SNX20: variants seen among roughly 807,000 people sequenced by gnomAD.
SNX20 encodes the protein sorting nexin 20, also known as sorting nexin-20.
In SNX20, 21 loss-of-function variants were observed where a neutral mutation model predicts 24.5. The ratio of observed to expected loss-of-function variants is 0.86; its 90% confidence interval spans 0.61 to 1.23. The LOEUF is 1.23. Ranked by LOEUF, SNX20 falls within the 50% of genes most tolerant of loss-of-function variation. The pLI, the probability that SNX20 is intolerant of heterozygous loss-of-function variation, is 0.00. For synonymous variants in SNX20, 206 were observed against 192.8 expected (o/e 1.07, Z -0.57); for missense variants, 433 against 430.8 (o/e 1.00, Z -0.04).
chr16:50,676,929 C>T (rs1224814330), intron 2 of SNX20, among the ~76,000 whole-genome samples: 1 of 152,210 alleles, frequency 6.6e-6, no homozygotes, highest in Non-Finnish European at 1.5e-5. Flanking sequence ...TGGACCGTGC[C>T]CTCTTGGCAC....
At chr16:50,679,087 T>C (rs1192735642) in intron 1 of SNX20, among the ~76,000 whole-genome samples, 1 of 151,984 alleles carries the variant, frequency 6.6e-6, no homozygotes, top group South Asian at 2.1e-4. Context: ...TGGTTAGGCA[T>C]GGAAATTCAA....
intron 1 of SNX20, among the ~76,000 whole-genome samples, chr16:50,678,272 CAAT>C (rs1348538540): frequency 2.0e-5 from 3 of 152,186 alleles, no homozygotes; most frequent in Non-Finnish European, 4.4e-5. Context: ...ATCAATCAAT[CAAT>C]AATCTATCTA....
chr16:50,679,659 C>T (rs1209459906), intron 1 of SNX20, among the ~76,000 whole-genome samples: 2 of 152,214 alleles, frequency 1.3e-5, no homozygotes, highest in African/African-American at 2.4e-5. Context: ...TAAGCAAGTG[C>T]TTTAATATCT....
In SNX20 at chr16:50,677,409, C is replaced by G. The variant is rs1297397634; in HGVS notation, c.118G>C (p.Asp40His). 6.3e-7 allele frequency: 1 copy of G among 1,595,894 alleles called. No homozygotes were observed. The highest frequency in any genetic ancestry group is 8.5e-7 in the Non-Finnish European group (1 of 1,170,568). Residue 40 changes from aspartate to histidine, a missense_variant, in exon 2 of 4, where the codon GAC (aspartate) becomes CAC (histidine). Transcript: ENST00000330943. ...GCCTCAAGCCCACCTAAGTGCCCGT[C>G]AGGTCCTGGGTGCGGGAGGTCGGGG... ...TGPDLPHPGPDGHLDTHSGLS... is the reference protein window; with the variant it reads ...TGPDLPHPGPHGHLDTHSGLS...
chr16:50,673,061 G>A lies in SNX20; in HGVS notation c.*345C>T, dbSNP rs1231355790. 1 of 179,874 alleles carries A rather than the reference G, an allele frequency of 5.6e-6. No homozygotes were observed. Among genetic ancestry groups the A allele is most frequent in the Non-Finnish European group, 1.1e-5 (1 of 87,090 alleles). The allele number at this position is 179,874 out of a possible 1,614,324, so 11.1% of individuals were successfully genotyped here. On this transcript the variant is annotated 3_prime_UTR_variant, in exon 4 of 4. Transcript: ENST00000330943. This position sits in a 1 kb window ranked among gnomAD's most constrained non-coding sequence, Gnocchi z 4.1. Reference sequence around the variant, plus strand: ...CTCACACTTGTAACCCCAGTGTTTTGGGAAGCTGAGGCAGGAAGATCATTT... The same window carrying A: ...CTCACACTTGTAACCCCAGTGTTTTAGGAAGCTGAGGCAGGAAGATCATTT...
chr16:50,668,155 C>A, downstream of SNX20: 1 of 1,543,068 alleles, frequency 6.5e-7, no homozygotes, highest in South Asian at 1.2e-5. Flanking sequence ...AACCAGGGAG[C>A]AAAGTCTCCA....
chr16:50,681,274 G>A lies in SNX20; in HGVS notation c.-94C>T, dbSNP rs2066848. The A allele has an allele frequency of 0.33, 51,011 of 152,370 alleles. 9,942 individuals are homozygous for A. Among genetic ancestry groups the A allele is most frequent in the Non-Finnish European group, 0.44 (29,637 of 68,070 alleles). The allele number at this position is 152,370 out of a possible 1,614,324, so 9.4% of individuals were successfully genotyped here. On this transcript the variant is annotated 5_prime_UTR_variant, in exon 1 of 4. Transcript: ENST00000330943. ...CGAGCTCTTGGTTCTCAGCTCCGGC[G>A]ACAAGCCGAGGGGCTGCCACTTTCT...
At chr16:50,679,101 A>T (rs1963243236) in intron 1 of SNX20, among the ~76,000 whole-genome samples, 1 of 152,216 alleles carries the variant, frequency 6.6e-6, no homozygotes, top group Admixed American at 6.5e-5. Context: ...AATTCAAGAC[A>T]AGGAAGGTGC....
At chr16:50,668,036 C>T (rs1040192148), downstream of SNX20, 60 of 1,551,718 alleles carry the variant, frequency 3.9e-5, no homozygotes, top group Middle Eastern at 1.7e-4. Flanking sequence ...CGTCAGGAGC[C>T]GGAGCCTACG....
chr16:50,675,214 CAG>C (rs1272881804), intron 3 of SNX20, among the ~76,000 whole-genome samples: 1 of 152,192 alleles, frequency 6.6e-6, no homozygotes, highest in Non-Finnish European at 1.5e-5. Context: ...TCCATTCTAA[CAG>C]GGAGAGGAGC....
intron 1 of SNX20, among the ~76,000 whole-genome samples, chr16:50,680,026 A>G (rs1963263485): frequency 6.6e-6 from 1 of 152,234 alleles, no homozygotes; most frequent in Non-Finnish European, 1.5e-5. Context: ...AAGACTGAGA[A>G]AGCTGATTAT....
At chr16:50,677,051 G>A (rs1474281639) in intron 2 of SNX20, among the ~76,000 whole-genome samples, 5 of 152,140 alleles carry the variant, frequency 3.3e-5, no homozygotes, top group Non-Finnish European at 5.9e-5. Context: ...ATAACAGCCC[G>A]GCTTCCTCAC....
chr16:50,669,150 T>C (rs1962982580), downstream of SNX20: 1 of 1,237,242 alleles, frequency 8.1e-7, no homozygotes, highest in Non-Finnish European at 1.2e-6. Flanking sequence ...TTTCCCCATC[T>C]GTAAACAGAG....
chr16:50,677,637 G>C, intron 1 of SNX20, 102 bp from the exon 2 acceptor site: 1 of 1,265,700 alleles, frequency 7.9e-7, no homozygotes, highest in Non-Finnish European at 1.0e-6. Flanking sequence ...CTGGCAGGCA[G>C]AGGGAATGAC....
In SNX20 at chr16:50,672,496, CGTGTGTGTGTGTGTGTGT is replaced by C. The variant is rs72303410; in HGVS notation, c.*892_*909del. 3.9e-3 allele frequency: 543 copies of C among 138,080 alleles called. No homozygotes were observed. The highest frequency in any genetic ancestry group is 0.014 in the African/African-American group (505 of 36,050). The allele number at this position is 138,080 out of a possible 1,614,324, so 8.6% of individuals were successfully genotyped here. A position where few individuals can be genotyped will look rare whatever the true frequency, so the allele number is the denominator to read the frequency against. On this transcript the variant is annotated 3_prime_UTR_variant, in exon 4 of 4. Coordinates refer to ENST00000330943, the MANE Select transcript of SNX20 (RefSeq NM_182854.4). ...CAAAAGGATGGCATACAACTCCCAC[CGTGTGTGTGTGTGTGTGT>C]GTGTGTGTGTGTGTGTGTGTGTGTG... is the stretch of plus-strand genomic sequence containing the variant.
chr16:50,671,133 T>A (rs945252140), downstream of SNX20: 1 of 150,442 alleles, frequency 6.6e-6, no homozygotes, highest in Non-Finnish European at 1.5e-5. Flanking sequence ...ATGACTTTTT[T>A]TTTTCACATT....
In SNX20 at chr16:50,672,744, C is replaced by T. The variant is rs1483656252; in HGVS notation, c.*662G>A. The T allele has an allele frequency of 1.3e-5, 2 of 152,184 alleles. No homozygotes were observed. Among genetic ancestry groups the T allele is most frequent in the Non-Finnish European group, 2.9e-5 (2 of 68,042 alleles). 9.4% of individuals were successfully genotyped at this position (152,184 alleles called of 1,614,324 possible). ...TTCAAGGAAATGGACTAAGTTTTGT[C>T]TAGAATGTGTGAGGTAAACTTCTTC... On this transcript the variant is annotated 3_prime_UTR_variant, in exon 4 of 4. Transcript: ENST00000330943.
rs1421901332 is a variant in SNX20, at chr16:50,674,087, C to G, written c.283-13G>C. The stretch of plus-strand genomic sequence containing the variant: ...TGATTTGGTACACCTAGGGCGCAAC[C>G]AGAGAGAGCTGTGGCCACCTCCCGG... On this transcript the variant is annotated splice_polypyrimidine_tract_variant and intron_variant, in intron 3 of 3. Coordinates refer to ENST00000330943, the MANE Select transcript of SNX20 (RefSeq NM_182854.4). The G allele has an allele frequency of 6.3e-7, 1 of 1,576,312 alleles. No individual in the cohort carries two copies. The highest frequency in any genetic ancestry group is 2.3e-5 in the East Asian group (1 of 43,420).
chr16:50,667,982 C>T (rs1450847410), downstream of SNX20: 1 of 1,549,180 alleles, frequency 6.5e-7, no homozygotes, highest in Middle Eastern at 1.7e-4. Context: ...TTCGACCAGC[C>T]CAGAACGCTC....
Sources: gnomAD v4.1 joint callset for allele counts (sites outside exome capture counted in the v4.1 genomes callset) on GRCh38, gnomAD v4.1.1 for gene constraint, Gnocchi (gnomAD v3.1) non-coding constraint, MANE v1.5 for transcripts, NCBI Gene and HGNC (gene_info 2026-07-23, HGNC 2026-07-21) for gene names.